The following NEBL variants were observed in gnomAD, a reference collection of about 807,000 sequenced individuals.
NEBL encodes nebulette.
In NEBL, 122 loss-of-function variants were observed where a neutral mutation model predicts 140.2. The ratio of observed to expected loss-of-function variants is 0.87; its 90% CI spans 0.75 to 1.01. The LOEUF (loss-of-function observed/expected upper bound fraction) is 1.01. Ranked by LOEUF, NEBL falls within the 50% of genes least tolerant of loss-of-function variation. NEBL has a pLI of 0.00. For synonymous variants in NEBL, 436 were observed against 398.9 expected (o/e 1.09, Z -1.11); for missense variants, 1,365 against 1,231.3 (o/e 1.11, Z -1.62).
At chr10:20,964,609 C>T (rs986467749) in intron 3 of NEBL, among the ~76,000 whole-genome samples, 2 of 152,136 alleles carry the variant, frequency 1.3e-5, no homozygotes, top group South Asian at 2.1e-4. Flanking sequence ...CAAACACCTC[C>T]CATTAGTGCA....
At chr10:21,178,371 A>C (rs1450303273), upstream of NEBL, among the ~76,000 whole-genome samples, 1 of 152,236 alleles carries the variant, frequency 6.6e-6, no homozygotes, top group Non-Finnish European at 1.5e-5. Context: ...CTGATAAGTA[A>C]GCAAAGAATT....
chr10:20,905,403 G>A (rs1848048073), intron 4 of NEBL, among the ~76,000 whole-genome samples: 1 of 152,180 alleles, frequency 6.6e-6, no homozygotes, highest in Non-Finnish European at 1.5e-5. Flanking sequence ...AATCATGGCA[G>A]AAGGGAAAGC....
At chr10:21,152,843 AAG>A (rs1840195868) in intron 2 of NEBL, among the ~76,000 whole-genome samples, 1 of 152,206 alleles carries the variant, frequency 6.6e-6, no homozygotes, top group African/African-American at 2.4e-5. Flanking sequence ...TTCTAAAATA[AAG>A]AGTGACCTTG....
chr10:20,921,430 G>C (rs983817967), intron 4 of NEBL, among the ~76,000 whole-genome samples: 18 of 152,166 alleles, frequency 1.2e-4, no homozygotes, highest in African/African-American at 4.3e-4. Flanking sequence ...CGGGAGATCA[G>C]ATGACAGGAT....
At chr10:21,085,677 A>T (rs1430859747) in intron 2 of NEBL, among the ~76,000 whole-genome samples, 1 of 152,164 alleles carries the variant, frequency 6.6e-6, no homozygotes, top group African/African-American at 2.4e-5. Flanking sequence ...ACATATATAC[A>T]AAAGCTCATT....
chr10:21,082,789 G>A (rs1310079995), intron 2 of NEBL, among the ~76,000 whole-genome samples: 1 of 106,298 alleles, frequency 9.4e-6, no homozygotes, highest in African/African-American at 3.4e-5. Context: ...TTGAGACAGA[G>A]TCTCACTCTG....
chr10:21,046,824 G>A (rs1009325034), intron 2 of NEBL, among the ~76,000 whole-genome samples: 5 of 152,038 alleles, frequency 3.3e-5, no homozygotes, highest in African/African-American at 1.2e-4. Flanking sequence ...GGATCGTCTG[G>A]ATCTCCTGAC....
chr10:20,975,157 C>A (rs545474850), intron 3 of NEBL, among the ~76,000 whole-genome samples: 1 of 152,132 alleles, frequency 6.6e-6, no homozygotes, highest in Non-Finnish European at 1.5e-5. Context: ...ATAAATACCT[C>A]AAGAGCCTAT....
At chr10:20,796,482 G>A (rs1038345200) in intron 26 of NEBL, among the ~76,000 whole-genome samples, 4 of 148,426 alleles carry the variant, frequency 2.7e-5, no homozygotes, top group African/African-American at 1.0e-4. Context: ...TTTTCCACCA[G>A]TTAAACTTAA....
intron 2 of NEBL, 123 bp downstream of exon 2, chr10:20,896,835 T>C (rs1847540567): frequency 1.1e-6 from 1 of 887,334 alleles, no homozygotes; most frequent in Non-Finnish European, 1.9e-6. Flanking sequence ...TGTTCCATGA[T>C]CTGGAAAGTG....
intron 2 of NEBL, among the ~76,000 whole-genome samples, chr10:21,132,485 TC>T (rs1839160443): frequency 1.3e-5 from 2 of 152,298 alleles, no homozygotes; most frequent in South Asian, 4.1e-4. Flanking sequence ...TGTTTTCAAT[TC>T]CCTTGGATAT....
chr10:20,812,490 G>T (rs1008062268), intron 24 of NEBL, among the ~76,000 whole-genome samples: 1 of 112,878 alleles, frequency 8.9e-6, no homozygotes, highest in Non-Finnish European at 1.8e-5. Context: ...CTCACAACAG[G>T]CCCTGGTGTG....
intron 3 of NEBL, among the ~76,000 whole-genome samples, chr10:21,215,361 A>G (rs1236772917): frequency 1.3e-5 from 2 of 152,176 alleles, no homozygotes; most frequent in African/African-American, 4.8e-5. Flanking sequence ...TGTGTTTGCA[A>G]TGGGCTGTCT....
intron 1 of NEBL, among the ~76,000 whole-genome samples, chr10:21,280,202 G>T (rs1480351106): frequency 1.3e-5 from 2 of 152,048 alleles, no homozygotes; most frequent in East Asian, 1.9e-4. Context: ...AATGGAACCA[G>T]CATGGGTTCC....
At chr10:20,826,594 G>C (rs1839897921) in intron 17 of NEBL, 55 bp from the exon 18 acceptor site, 1 of 1,328,238 alleles carries the variant, frequency 7.5e-7, no homozygotes, top group Non-Finnish European at 1.1e-6. Flanking sequence ...TCAAGTCCTA[G>C]ATCCGCTTCT....
At chr10:20,799,015 C>T (rs112913690) in intron 26 of NEBL, among the ~76,000 whole-genome samples, 27 of 152,048 alleles carry the variant, frequency 1.8e-4, no homozygotes, top group Admixed American at 3.9e-4. Flanking sequence ...CGAATACTTG[C>T]GAACAATGTA....
At chr10:20,993,684 AG>A (rs1212916500) in intron 3 of NEBL, among the ~76,000 whole-genome samples, 1 of 152,202 alleles carries the variant, frequency 6.6e-6, no homozygotes, top group East Asian at 1.9e-4. Context: ...GGCTGGCAAG[AG>A]TCACATGACC....
In NEBL at chr10:20,819,526, A is replaced by T; in HGVS notation, c.1963-10T>A. 6.2e-7 allele frequency: 1 copy of T among 1,613,910 alleles called. No homozygotes were observed. The highest frequency in any genetic ancestry group is 8.5e-7 in the Non-Finnish European group (1 of 1,179,812). ...GCTCTTTATACTGGAGCTGAGAGAC[A>T]AGGTGCAAGACAGTTTGAGATTATG... On this transcript the variant is annotated splice_polypyrimidine_tract_variant and intron_variant, in intron 19 of 27. Transcript: ENST00000377122.
chr10:20,862,050 G>A (rs962123056), intron 7 of NEBL, among the ~76,000 whole-genome samples: 1 of 152,042 alleles, frequency 6.6e-6, no homozygotes, highest in Non-Finnish European at 1.5e-5. Flanking sequence ...ATAATTTGTT[G>A]AATACTGTAA....
Sources: allele counts gnomAD v4.1 joint callset (sites outside exome capture counted in the v4.1 genomes callset), GRCh38; gene constraint gnomAD v4.1.1; transcripts MANE v1.5; gene names NCBI Gene and HGNC (gene_info 2026-07-23, HGNC 2026-07-21).